The following SPRED1 variants were observed in gnomAD, a reference collection of about 807,000 sequenced individuals.
SPRED1 encodes sprouty-related, EVH1 domain-containing protein 1.
SPRED1 carries 18 observed loss-of-function variants against 52.3 expected under a neutral mutation model. The observed-to-expected ratio is 0.34, with a 90% CI of 0.24 to 0.51. SPRED1 has a LOEUF of 0.51. Ranked by LOEUF, SPRED1 falls within the 20% of genes least tolerant of loss-of-function variation. The probability of loss-of-function intolerance (pLI) is 0.97; values close to 1 mark genes in which losing one functional copy is unlikely to be tolerated. For missense variants in SPRED1, 485 were observed against 551.0 expected (o/e 0.88, Z 1.20); for synonymous variants, 155 against 179.7 (o/e 0.86, Z 1.10).
chr15:38,279,230 C>T (rs935717951), intron 1 of SPRED1, among the ~76,000 whole-genome samples: 1 of 152,120 alleles, frequency 6.6e-6, no homozygotes, highest in East Asian at 1.9e-4. Flanking sequence ...ACGATATGAT[C>T]GTACCATATT....
chr15:38,257,130 A>G (rs1011609571), intron 1 of SPRED1, among the ~76,000 whole-genome samples: 1 of 152,134 alleles, frequency 6.6e-6, no homozygotes, highest in Non-Finnish European at 1.5e-5. Context: ...TTTTTCCCCA[A>G]AAGACCTTCT....
At chr15:38,336,426 A>ATATATATATAATATTATATATATGT (rs1193480975) in intron 4 of SPRED1, among the ~76,000 whole-genome samples, 2 of 138,474 alleles carry the variant, frequency 1.4e-5, no homozygotes, top group South Asian at 2.2e-4. Context: ...GTGTGTGTAT[A>ATATATATATAATATTATATATATGT]TATATATATA....
intron 5 of SPRED1, among the ~76,000 whole-genome samples, chr15:38,346,046 A>G (rs968258753): frequency 3.3e-5 from 5 of 152,138 alleles, no homozygotes; most frequent in Non-Finnish European, 7.4e-5. Flanking sequence ...AGAGCTAGTA[A>G]ATCTTTTGAG....
chr15:38,258,381 T>A lies in SPRED1; in HGVS notation c.32+5164T>A, dbSNP rs574039983. On this transcript the variant is annotated intron_variant, in intron 1 of 6. Coordinates refer to ENST00000299084, the MANE Select transcript of SPRED1 (RefSeq NM_152594.3). ...AAATATTCTAGAATATAATTTTTAGTGGCTACATTATGTTCAGTGTATGAT... is the reference window on the plus strand; with the variant it reads ...AAATATTCTAGAATATAATTTTTAGAGGCTACATTATGTTCAGTGTATGAT... Among the ~76,000 whole-genome samples, 68 of 152,324 alleles carry A rather than the reference T, an allele frequency of 4.5e-4. No individual in the cohort carries two copies. The South Asian group carries it at 0.012, about 26-fold the overall frequency.
chr15:38,261,644 G>A (rs1894208389), intron 1 of SPRED1, among the ~76,000 whole-genome samples: 1 of 152,070 alleles, frequency 6.6e-6, no homozygotes. Flanking sequence ...CGCCATCTCG[G>A]CTCACTGCAA....
intron 1 of SPRED1, among the ~76,000 whole-genome samples, chr15:38,296,527 T>C (rs1376593513): frequency 6.6e-6 from 1 of 152,210 alleles, no homozygotes; most frequent in African/African-American, 2.4e-5. Flanking sequence ...TCATCTTCTT[T>C]TGCCTTTGAC....
At chr15:38,304,145 A>G (rs1895203969) in intron 2 of SPRED1, among the ~76,000 whole-genome samples, 1 of 152,236 alleles carries the variant, frequency 6.6e-6, no homozygotes, top group Non-Finnish European at 1.5e-5. Context: ...GTTATAATAT[A>G]GCAGTAGCTT....
At chr15:38,332,054 T>C (rs1029765664) in intron 4 of SPRED1, among the ~76,000 whole-genome samples, 2 of 152,040 alleles carry the variant, frequency 1.3e-5, no homozygotes, top group Non-Finnish European at 2.9e-5. Flanking sequence ...TATACTGGTA[T>C]GGGGAAAGGT....
At chr15:38,324,001 A>ATTTTT (rs879812751) in intron 3 of SPRED1, among the ~76,000 whole-genome samples, 1 of 152,206 alleles carries the variant, frequency 6.6e-6, no homozygotes, top group Non-Finnish European at 1.5e-5. Context: ...GAACATTAAA[A>ATTTTT]AACATTAGCT....
chr15:38,258,895 G>C (rs774837690), intron 1 of SPRED1, among the ~76,000 whole-genome samples: 6 of 152,102 alleles, frequency 3.9e-5, no homozygotes, highest in Non-Finnish European at 8.8e-5. Context: ...ATTGGGAGAT[G>C]GATTTCTTTT....
At chr15:38,308,761 TA>T (rs1895303571) in intron 2 of SPRED1, among the ~76,000 whole-genome samples, 1 of 152,238 alleles carries the variant, frequency 6.6e-6, no homozygotes, top group Non-Finnish European at 1.5e-5. Flanking sequence ...AGTTTGGGAC[TA>T]AATATAACGT....
intron 4 of SPRED1, chr15:38,326,189 G>T (rs1456606384): frequency 2.6e-5 from 4 of 152,258 alleles, no homozygotes; most frequent in African/African-American, 9.7e-5. Flanking sequence ...TTTAGTGGCT[G>T]AAAGCTTAGC....
In SPRED1 at chr15:38,351,725, T is replaced by A; in HGVS notation, c.*61T>A. Reference sequence around the variant, plus strand: ...TTTCCAGGAATTAGCTAACTTGGATTTGTGGAAGCTTTTGGCAAGCAATAT... The same window carrying A: ...TTTCCAGGAATTAGCTAACTTGGATATGTGGAAGCTTTTGGCAAGCAATAT... On this transcript the variant is annotated 3_prime_UTR_variant, in exon 7 of 7. Transcript: ENST00000299084. 6.3e-7 allele frequency: 1 copy of A among 1,586,300 alleles called. No individual in the cohort carries two copies. Among genetic ancestry groups the A allele is most frequent in the African/African-American group, 1.3e-5 (1 of 74,744 alleles).
chr15:38,281,851 A>G (rs1894697277), intron 1 of SPRED1, among the ~76,000 whole-genome samples: 3 of 152,138 alleles, frequency 2.0e-5, no homozygotes, highest in Admixed American at 6.5e-5. Flanking sequence ...TTTTGACCCC[A>G]ATTAATCCTT....
rs1261567261 is a variant in SPRED1 at position 38,299,497 on chromosome 15, A to G, written c.157A>G (p.Asn53Asp). ...CTTCAAAGTCCCTCATCAGGAAGAG[A>G]ATGGCTGTGCTGACTTTTTTATCCG... ...TVFKVPHQEE[N>D]GCADFFIRGE... The change falls in exon 2 of 7, where the codon AAT becomes GAT. Residue 53 changes from asparagine to aspartate, a missense_variant. This residue lies in a region of SPRED1 where 232 missense variants were observed against 231.8 expected (regional missense o/e 1.00). Coordinates refer to ENST00000299084, the MANE Select transcript of SPRED1 (RefSeq NM_152594.3). The G allele has an allele frequency of 2.5e-6, 4 of 1,613,896 alleles. No individual in the cohort carries two copies. The African/African-American group carries it at 5.3e-5, about 22-fold the overall frequency.
At chr15:38,296,846 G>A (rs1014518284) in intron 1 of SPRED1, among the ~76,000 whole-genome samples, 11 of 152,106 alleles carry the variant, frequency 7.2e-5, no homozygotes, top group South Asian at 2.1e-4. Flanking sequence ...TAGGAGGTGC[G>A]GCCTTTTGGG....
intron 2 of SPRED1, among the ~76,000 whole-genome samples, chr15:38,308,126 C>A (rs1271669356): frequency 6.6e-6 from 1 of 152,152 alleles, no homozygotes; most frequent in Admixed American, 6.5e-5. Context: ...TCCACCTCCC[C>A]AGACTAGAAT....
At position 38,351,409 on chromosome 15, in the gene SPRED1, A is replaced by G. The variant is rs749654043; in HGVS notation, c.1080A>G (p.Lys360=). 46 of 1,614,036 alleles carry G rather than the reference A, an allele frequency of 2.9e-5. No individual in the cohort carries two copies. The highest frequency in any genetic ancestry group is 3.6e-5 in the Non-Finnish European group (43 of 1,180,028). ...GKCQDAPDPI[K]RCIYQVSCML... The stretch of plus-strand genomic sequence containing the variant: ...GTCAGGATGCTCCAGACCCTATTAA[A>G]AGATGCATATATCAAGTTAGTTGCA... The change falls in exon 7 of 7, where the codon AAA becomes AAG. Residue 360 remains lysine (K), a synonymous_variant. Transcript: ENST00000299084.
In SPRED1 at chr15:38,253,017, C is replaced by T; in HGVS notation, c.-169C>T. ...CCCCCCTGCGGGGGTGGCCGGGGTTCCCGGCTGGGGGGGTACCGTTCTGGG... is the reference window on the plus strand; with the variant it reads ...CCCCCCTGCGGGGGTGGCCGGGGTTTCCGGCTGGGGGGGTACCGTTCTGGG... On this transcript the variant is annotated 5_prime_UTR_variant, in exon 1 of 7. Coordinates refer to ENST00000299084, the MANE Select transcript of SPRED1 (RefSeq NM_152594.3). 2 of 651,412 alleles carry T rather than the reference C, an allele frequency of 3.1e-6. No homozygotes were observed. The highest frequency in any genetic ancestry group is 1.7e-5 in the South Asian group (1 of 57,822). The allele number at this position is 651,412 out of a possible 1,614,324, so 40.4% of individuals were successfully genotyped here.
Sources: allele counts gnomAD v4.1 joint callset (sites outside exome capture counted in the v4.1 genomes callset), GRCh38; gene constraint gnomAD v4.1.1; regional missense constraint gnomAD v4.1.1; transcripts MANE v1.5; gene names NCBI Gene and HGNC (gene_info 2026-07-23, HGNC 2026-07-21).